The following CALN1 variants were observed in gnomAD, a reference collection of about 807,000 sequenced individuals.
CALN1 encodes the protein calneuron 1.
A neutral mutation model predicts 30.6 loss-of-function variants in CALN1; 17 were observed. The ratio of observed to expected loss-of-function variants is 0.56; its 90% CI spans 0.38 to 0.83. The LOEUF (loss-of-function observed/expected upper bound fraction) is 0.83, where lower values mean the gene tolerates loss of function less well. Among genes scored for constraint, CALN1 ranks in the 40% least tolerant of loss-of-function variants. The pLI is 0.00. For synonymous variants in CALN1, 156 were observed against 131.4 expected, an observed-to-expected ratio of 1.19 and a Z score of -1.28; for missense variants, 291 against 354.9, an observed-to-expected ratio of 0.82 and a Z score of 1.45.
chr7:72,292,190 G>A (rs1798531860), intron 2 of CALN1, among the ~76,000 whole-genome samples: 1 of 151,768 alleles, frequency 6.6e-6, no homozygotes, highest in African/African-American at 2.4e-5. Context: ...CAGAATATGT[G>A]GCTTAAACAA....
intron 2 of CALN1, among the ~76,000 whole-genome samples, chr7:72,367,270 T>A (rs1456516511): frequency 1.3e-5 from 2 of 152,030 alleles, no homozygotes; most frequent in Non-Finnish European, 2.9e-5. Flanking sequence ...GAGGACTGCT[T>A]GAGGCCAGGA....
chr7:72,010,814 AAAAG>A (rs1474316285), intron 5 of CALN1, among the ~76,000 whole-genome samples: 123 of 149,946 alleles, frequency 8.2e-4, no homozygotes, highest in African/African-American at 2.7e-3. Flanking sequence ...TCAAAAAAAA[AAAAG>A]AAAAGAAAAG....
chr7:71,869,528 A>C (rs1328737047), intron 5 of CALN1, among the ~76,000 whole-genome samples: 1 of 152,074 alleles, frequency 6.6e-6, no homozygotes, highest in East Asian at 1.9e-4. Flanking sequence ...TCCTTTAAAT[A>C]CTGGCTTATG....
At chr7:72,475,635 G>A in the CALN1 span, among the ~76,000 whole-genome samples, 5,860 of 152,228 alleles carry the variant, frequency 0.038, 357 homozygotes, top group African/African-American at 0.13. Context: ...TGAGCCCCCT[G>A]AGGAAATGAA....
chr7:72,187,455 C>G (rs1336579674), intron 3 of CALN1, among the ~76,000 whole-genome samples: 4 of 152,164 alleles, frequency 2.6e-5, no homozygotes, highest in African/African-American at 4.8e-5. Flanking sequence ...CTCCTGAGCT[C>G]TGCCTCCTGT....
intron 5 of CALN1, among the ~76,000 whole-genome samples, chr7:71,991,475 A>G (rs962783373): frequency 6.6e-6 from 1 of 152,030 alleles, no homozygotes; most frequent in Non-Finnish European, 1.5e-5. Context: ...AAAAAAAGAG[A>G]ATAGCAGAAA....
rs1482024439 is a variant in CALN1, at chr7:71,783,375, CT to C, written c.*4399del. On this transcript the variant is annotated 3_prime_UTR_variant, in exon 7 of 7. Coordinates refer to ENST00000395275, the MANE Select transcript of CALN1 (RefSeq NM_031468.4). ...CTAGCAGGGGAATTCCAGACCCCCCCTGTTATCTTGGTGAAATGGTAAAAAA... is the reference window on the plus strand; with the variant it reads ...CTAGCAGGGGAATTCCAGACCCCCCCGTTATCTTGGTGAAATGGTAAAAAA... 6.6e-6 allele frequency: 1 copy of C among 151,994 alleles called. No homozygotes were observed. The highest frequency in any genetic ancestry group is 1.5e-5 in the Non-Finnish European group (1 of 67,956). The allele number at this position is 151,994 out of a possible 1,614,324, so 9.4% of individuals were successfully genotyped here.
the CALN1 span, among the ~76,000 whole-genome samples, chr7:72,483,726 A>G: frequency 5.3e-5 from 8 of 151,468 alleles, no homozygotes; most frequent in Non-Finnish European, 5.9e-5. Context: ...GCAGACTCCA[A>G]TTACACATTT....
At chr7:72,212,947 G>A (rs981700019) in intron 3 of CALN1, among the ~76,000 whole-genome samples, 28 of 152,218 alleles carry the variant, frequency 1.8e-4, no homozygotes, top group African/African-American at 6.8e-4. Flanking sequence ...ATCCTTGAGA[G>A]AAACTTTTGA....
At chr7:71,910,255 G>A (rs1432334999) in intron 5 of CALN1, among the ~76,000 whole-genome samples, 1 of 152,138 alleles carries the variant, frequency 6.6e-6, no homozygotes, top group Non-Finnish European at 1.5e-5. Context: ...AGTTTGCCAT[G>A]GTGGGGAAAG....
At chr7:72,409,558 G>T (rs1265832054) in intron 1 of CALN1, among the ~76,000 whole-genome samples, 5 of 151,842 alleles carry the variant, frequency 3.3e-5, no homozygotes, top group Non-Finnish European at 7.4e-5. Context: ...CTGGTGCATG[G>T]GTTACAAGCA....
chr7:72,362,371 T>C (rs930708608), intron 2 of CALN1, among the ~76,000 whole-genome samples: 4 of 152,154 alleles, frequency 2.6e-5, no homozygotes, highest in African/African-American at 9.7e-5. Flanking sequence ...CTCAAGTCTG[T>C]TGACTTCTCT....
chr7:71,787,096 G>C lies in CALN1; in HGVS notation c.*679C>G, dbSNP rs1386107139. On this transcript the variant is annotated 3_prime_UTR_variant, in exon 7 of 7. Transcript: ENST00000395275. Reference sequence around the variant, plus strand: ...TGGTGCGGGATGGGCTCTAGGAACAGAAAGCCAAGTGCCGACGGAAACTGA... The same window carrying C: ...TGGTGCGGGATGGGCTCTAGGAACACAAAGCCAAGTGCCGACGGAAACTGA... 6.5e-6 allele frequency: 1 copy of C among 152,782 alleles called. No homozygotes were observed. The highest frequency in any genetic ancestry group is 2.4e-5 in the African/African-American group (1 of 41,460). The allele number at this position is 152,782 out of a possible 1,614,324, so 9.5% of individuals were successfully genotyped here.
intron 6 of CALN1, among the ~76,000 whole-genome samples, chr7:71,804,249 C>G (rs1395617971): frequency 6.6e-6 from 1 of 152,160 alleles, no homozygotes; most frequent in Admixed American, 6.6e-5. Context: ...TGGCTCACAC[C>G]TGTAATCTCA....
At chr7:71,959,598 G>A (rs375563710) in intron 5 of CALN1, among the ~76,000 whole-genome samples, 4 of 150,434 alleles carry the variant, frequency 2.7e-5, no homozygotes, top group East Asian at 1.9e-4. Context: ...ATATTCCAGG[G>A]TTTTGACTTT....
intron 1 of CALN1, among the ~76,000 whole-genome samples, chr7:72,423,927 A>G (rs1807706628): frequency 7.2e-6 from 1 of 139,046 alleles, no homozygotes; most frequent in Non-Finnish European, 1.6e-5. Context: ...GAAAGAGAAA[A>G]AGAAAGAAGA....
chr7:71,958,955 G>A (rs931994697), intron 5 of CALN1, among the ~76,000 whole-genome samples: 6 of 152,188 alleles, frequency 3.9e-5, no homozygotes, highest in African/African-American at 7.2e-5. Context: ...TGACTTCTCC[G>A]AGTGGCTTTC....
intron 2 of CALN1, among the ~76,000 whole-genome samples, chr7:72,369,736 T>C (rs960891230): frequency 2.8e-4 from 42 of 152,328 alleles, no homozygotes; most frequent in South Asian, 1.7e-3. Flanking sequence ...AGAACTGTCC[T>C]ATATGTACTT....
the CALN1 span, among the ~76,000 whole-genome samples, chr7:72,469,586 A>T: frequency 2.0e-5 from 3 of 152,138 alleles, no homozygotes; most frequent in South Asian, 6.2e-4. Flanking sequence ...TGTAGTAGAG[A>T]CAGGGTTTCA....
Sources: gnomAD v4.1 joint callset for allele counts (sites outside exome capture counted in the v4.1 genomes callset) on GRCh38, gnomAD v4.1.1 for gene constraint, MANE v1.5 for transcripts, NCBI Gene and HGNC (gene_info 2026-07-23, HGNC 2026-07-21) for gene names.